LOC128706666: variants seen among roughly 807,000 people sequenced by gnomAD.
chr20:10,432,185 C>T, the LOC128706666 span, among the ~76,000 whole-genome samples: 10 of 152,202 alleles, frequency 6.6e-5, no homozygotes, highest in Non-Finnish European at 1.5e-4. Context: ...TTCTCTTCAA[C>T]TTTGAAGGGC....
the LOC128706666 span, among the ~76,000 whole-genome samples, chr20:10,424,531 G>A: frequency 2.0e-5 from 3 of 151,922 alleles, no homozygotes; most frequent in South Asian, 2.1e-4. Context: ...CTCAGGGCAA[G>A]ACACATTAGA....
the LOC128706666 span, among the ~76,000 whole-genome samples, chr20:10,432,928 G>A: frequency 3.6e-4 from 55 of 152,008 alleles, no homozygotes; most frequent in Admixed American, 1.8e-3. Context: ...TTGTTACACT[G>A]CAGTGTTTAG....
chr20:10,413,875 T>G, the LOC128706666 span: 1 of 429,372 alleles, frequency 2.3e-6, no homozygotes, highest in Admixed American at 3.9e-5. Flanking sequence ...CTAATCCAAC[T>G]GGTATTTTTC....
chr20:10,425,802 A>ATT, the LOC128706666 span, among the ~76,000 whole-genome samples: 14 of 151,970 alleles, frequency 9.2e-5, no homozygotes, highest in African/African-American at 3.1e-4. Flanking sequence ...GAGAAATGAG[A>ATT]TTTTTTCCCT....
At chr20:10,424,265 A>G in the LOC128706666 span, among the ~76,000 whole-genome samples, 1 of 150,872 alleles carries the variant, frequency 6.6e-6, no homozygotes, top group Non-Finnish European at 1.5e-5. Context: ...AATAAAAAGG[A>G]AAAAAAAAGG....
chr20:10,414,137 G>A, the LOC128706666 span, among the ~76,000 whole-genome samples: 1 of 152,094 alleles, frequency 6.6e-6, no homozygotes, highest in Non-Finnish European at 1.5e-5. Context: ...AAGAAAAAGT[G>A]CTTGTATTTC....
the LOC128706666 span, among the ~76,000 whole-genome samples, chr20:10,422,005 C>T: frequency 1.3e-5 from 2 of 152,012 alleles, no homozygotes; most frequent in African/African-American, 4.8e-5. Context: ...TTATTTTTGT[C>T]TAAATGCCAT....
chr20:10,423,554 T>C, the LOC128706666 span, among the ~76,000 whole-genome samples: 1 of 152,166 alleles, frequency 6.6e-6, no homozygotes, highest in Non-Finnish European at 1.5e-5. Context: ...TTTGGGGAAG[T>C]GTTGTACTAT....
chr20:10,420,552 C>T, the LOC128706666 span: 2 of 152,198 alleles, frequency 1.3e-5, no homozygotes, highest in African/African-American at 4.8e-5. Flanking sequence ...CCTGCTACTT[C>T]CCCTGGATTT....
At chr20:10,424,731 T>C in the LOC128706666 span, among the ~76,000 whole-genome samples, 1 of 152,176 alleles carries the variant, frequency 6.6e-6, no homozygotes, top group Non-Finnish European at 1.5e-5. Flanking sequence ...CTTTTTTTCT[T>C]CTTAGTTCCT....
At chr20:10,416,724 T>C in the LOC128706666 span, among the ~76,000 whole-genome samples, 2 of 152,200 alleles carry the variant, frequency 1.3e-5, no homozygotes, top group Non-Finnish European at 2.9e-5. Context: ...AATGATAGAA[T>C]TTGAGCAGCA....
At chr20:10,425,673 T>C in the LOC128706666 span, among the ~76,000 whole-genome samples, 568 of 152,318 alleles carry the variant, frequency 3.7e-3, 8 homozygotes, top group African/African-American at 0.013. Flanking sequence ...AAAACAAAGA[T>C]TTCTCAAGAA....
chr20:10,421,416 CAAA>C, the LOC128706666 span, among the ~76,000 whole-genome samples: 141 of 86,118 alleles, frequency 1.6e-3, no homozygotes, highest in Middle Eastern at 7.9e-3. Flanking sequence ...GACTCCATCA[CAAA>C]AAAAAAAAAA....
chr20:10,428,843 CAATAAATA>C, the LOC128706666 span, among the ~76,000 whole-genome samples: 1 of 151,056 alleles, frequency 6.6e-6, no homozygotes, highest in East Asian at 1.9e-4. Context: ...GACTCCGTCT[CAATAAATA>C]AATAAATAAA....
the LOC128706666 span, among the ~76,000 whole-genome samples, chr20:10,421,722 C>A: frequency 6.6e-6 from 1 of 151,300 alleles, no homozygotes; most frequent in East Asian, 1.9e-4. Context: ...CTAGTTTAGA[C>A]AAAGAAACTG....
chr20:10,432,076 G>A, the LOC128706666 span, among the ~76,000 whole-genome samples: 2 of 152,304 alleles, frequency 1.3e-5, no homozygotes, highest in African/African-American at 2.4e-5. Flanking sequence ...GCCAGCCTCC[G>A]TCCATGATTG....
chr20:10,424,760 T>C, the LOC128706666 span, among the ~76,000 whole-genome samples: 1 of 152,066 alleles, frequency 6.6e-6, no homozygotes. Flanking sequence ...TTTTACAAAA[T>C]GAAAATTAGA....
At chr20:10,428,021 C>T in the LOC128706666 span, among the ~76,000 whole-genome samples, 1 of 152,222 alleles carries the variant, frequency 6.6e-6, no homozygotes, top group Non-Finnish European at 1.5e-5. Context: ...CTGCTCATTG[C>T]TGTGAATTTA....
the LOC128706666 span, among the ~76,000 whole-genome samples, chr20:10,427,863 A>C: frequency 1.3e-5 from 2 of 152,160 alleles, no homozygotes; most frequent in African/African-American, 2.4e-5. Flanking sequence ...TGCAAATCCT[A>C]CCACCTTCCC....
Sources: allele counts gnomAD v4.1 joint callset (sites outside exome capture counted in the v4.1 genomes callset), GRCh38; gene constraint gnomAD v4.1.1; transcripts MANE v1.5.